SUCLG2: variants seen among roughly 807,000 people sequenced by gnomAD.
SUCLG2 encodes succinate-CoA ligase GDP-forming subunit beta, also known as succinate--CoA ligase [GDP-forming] subunit beta, mitochondrial.
Under a neutral mutation model 47.9 loss-of-function variants are expected in SUCLG2, and 42 were observed. The ratio of observed to expected loss-of-function variants is 0.88; its 90% CI spans 0.69 to 1.14. The LOEUF (loss-of-function observed/expected upper bound fraction) is 1.14, where lower values mean the gene tolerates loss of function less well. Ranked by LOEUF, SUCLG2 falls within the 50% of genes most tolerant of loss-of-function variation. SUCLG2 has a pLI of 0.00. For missense variants in SUCLG2, 571 were observed against 525.9 expected (o/e 1.09, Z -0.84); for synonymous variants, 195 against 197.3 (o/e 0.99, Z 0.10).
chr3:67,503,346 T>C (rs1403030585), intron 7 of SUCLG2, among the ~76,000 whole-genome samples: 1 of 151,832 alleles, frequency 6.6e-6, no homozygotes, highest in Non-Finnish European at 1.5e-5. Context: ...ACAAAGAAAA[T>C]AAATAAAAAC....
intron 9 of SUCLG2, among the ~76,000 whole-genome samples, chr3:67,479,242 G>T (rs2107010629): frequency 6.6e-6 from 1 of 151,544 alleles, no homozygotes; most frequent in South Asian, 2.1e-4. Context: ...CTGATTCTCT[G>T]ACCACAGAGT....
chr3:67,404,144 A>C (rs1189023946), intron 9 of SUCLG2, among the ~76,000 whole-genome samples: 1 of 152,146 alleles, frequency 6.6e-6, no homozygotes, highest in Non-Finnish European at 1.5e-5. Context: ...TTGGCCTCCC[A>C]AAGTGTTGGG....
At chr3:67,555,407 C>A (rs892717398) in intron 2 of SUCLG2, among the ~76,000 whole-genome samples, 2 of 152,028 alleles carry the variant, frequency 1.3e-5, no homozygotes, top group African/African-American at 4.8e-5. Context: ...TATGTCTATA[C>A]ACACATACTA....
rs564042151 is a variant in SUCLG2 at position 67,365,961 on chromosome 3, T to C, written c.1184-5193A>G. 2.6e-5 allele frequency among the ~76,000 whole-genome samples: 4 copies of C among 152,108 alleles called. No individual in the cohort carries two copies. In the South Asian group the frequency reaches 8.3e-4, roughly 32 times the overall value. On this transcript the variant is annotated intron_variant, in intron 10 of 10. Coordinates refer to the SUCLG2 transcript ENST00000493112. ...TTTCAAAATTGAATAGATTTATAAA[T>C]AGAATGAGATCTACAAATTCAGAAA...
chr3:67,499,720 G>GTTTGTTTATTTA (rs573806231), intron 7 of SUCLG2, among the ~76,000 whole-genome samples: 17 of 150,858 alleles, frequency 1.1e-4, no homozygotes, highest in African/African-American at 4.2e-4. Context: ...TTGTTTGTTT[G>GTTTGTTTATTTA]TTTATTTATT....
chr3:67,489,788 C>G (rs1409059221), intron 9 of SUCLG2, among the ~76,000 whole-genome samples: 1 of 152,140 alleles, frequency 6.6e-6, no homozygotes, highest in Non-Finnish European at 1.5e-5. Flanking sequence ...AATCTCTGAG[C>G]AGACAAAGCC....
intron 9 of SUCLG2, among the ~76,000 whole-genome samples, chr3:67,473,436 TA>T (rs1342585056): frequency 6.6e-6 from 1 of 151,636 alleles, no homozygotes; most frequent in Non-Finnish European, 1.5e-5. Context: ...ATTTTTTTTT[TA>T]AAAGCACCAG....
At chr3:67,402,959 G>T (rs1279822266) in intron 9 of SUCLG2, among the ~76,000 whole-genome samples, 2 of 152,124 alleles carry the variant, frequency 1.3e-5, no homozygotes, top group African/African-American at 4.8e-5. Flanking sequence ...GAGAGAAGGG[G>T]CTTGAGACCC....
Position 67,608,442 on chromosome 3 carries a change from ATTTCC to A in SUCLG2, c.226+1008_226+1012del, listed in dbSNP as rs201218488. ...TTTGCTTTTTTAAATTGCAGTTATC[ATTTCC>A]TTTATTAGTTAACATGGATCACAAT... On this transcript the variant is annotated intron_variant, in intron 2 of 10. Transcript: ENST00000307227. Among the ~76,000 whole-genome samples the A allele has an allele frequency of 7.6e-3, 1,151 of 152,206 alleles. 17 individuals carry two copies. Among genetic ancestry groups the A allele is most frequent in the African/African-American group, 0.026 (1,079 of 41,526 alleles).
chr3:67,575,715 A>T (rs888651212), intron 2 of SUCLG2, among the ~76,000 whole-genome samples: 1 of 152,210 alleles, frequency 6.6e-6, no homozygotes, highest in Non-Finnish European at 1.5e-5. Flanking sequence ...ATAACTTATT[A>T]AAAAAGAAAG....
At chr3:67,522,336 T>A (rs148373306) in intron 4 of SUCLG2, among the ~76,000 whole-genome samples, 2,426 of 152,136 alleles carry the variant, frequency 0.016, 95 homozygotes, top group African/African-American at 0.056. Context: ...TGAGTCATGG[T>A]GCCTGGCCTG....
At chr3:67,416,914 C>T (rs952266369) in intron 9 of SUCLG2, among the ~76,000 whole-genome samples, 1 of 151,996 alleles carries the variant, frequency 6.6e-6, no homozygotes, top group African/African-American at 2.4e-5. Flanking sequence ...CCACTAGAGG[C>T]CAGTGTACTT....
intron 2 of SUCLG2, among the ~76,000 whole-genome samples, chr3:67,567,287 CT>C (rs1218202281): frequency 1.1e-4 from 15 of 136,430 alleles, no homozygotes; most frequent in Admixed American, 7.2e-4. Context: ...ACTATACTTC[CT>C]ATATCAGGAT....
At chr3:67,567,353 T>C (rs1241049522) in intron 2 of SUCLG2, among the ~76,000 whole-genome samples, 1 of 151,868 alleles carries the variant, frequency 6.6e-6, no homozygotes, top group South Asian at 2.1e-4. Flanking sequence ...TAGAGTACAG[T>C]GATGTAATCA....
At chr3:67,539,813 T>C (rs1453952489) in intron 2 of SUCLG2, among the ~76,000 whole-genome samples, 1 of 152,200 alleles carries the variant, frequency 6.6e-6, no homozygotes, top group East Asian at 1.9e-4. Context: ...CAGGAATTCA[T>C]CCATTTCTTC....
At chr3:67,517,213 CAT>C (rs1391117322) in intron 6 of SUCLG2, among the ~76,000 whole-genome samples, 1 of 152,124 alleles carries the variant, frequency 6.6e-6, no homozygotes, top group African/African-American at 2.4e-5. Context: ...TTCATTTAAG[CAT>C]ATATATTTTT....
intron 2 of SUCLG2, among the ~76,000 whole-genome samples, chr3:67,558,717 A>C (rs1302768068): frequency 6.6e-6 from 1 of 152,248 alleles, no homozygotes; most frequent in Non-Finnish European, 1.5e-5. Flanking sequence ...GAGAAAAATA[A>C]GCAGTTCCAC....
chr3:67,558,802 C>A (rs749839201), intron 2 of SUCLG2, among the ~76,000 whole-genome samples: 25 of 152,126 alleles, frequency 1.6e-4, no homozygotes. Context: ...GGGTCGCTCC[C>A]CTGGAAACTC....
rs917967829 is a variant in SUCLG2 at position 67,490,844 on chromosome 3, T to G, written c.1062+4954A>C. ...TAAATACATGAAAAGGTGCTCAACC[T>G]CATTAGTCATGACAGAAAGGCCATA... On this transcript the variant is annotated intron_variant, in intron 9 of 10. Transcript: ENST00000307227. 3.9e-5 allele frequency among the ~76,000 whole-genome samples: 6 copies of G among 152,194 alleles called. No homozygotes were observed. The East Asian group carries it at 1.2e-3, about 29-fold the overall frequency.
Sources: allele counts gnomAD v4.1 joint callset (sites outside exome capture counted in the v4.1 genomes callset), GRCh38; gene constraint gnomAD v4.1.1; transcripts MANE v1.5; gene names NCBI Gene and HGNC (gene_info 2026-07-23, HGNC 2026-07-21).